SERGEF: variants seen among roughly 807,000 people sequenced by gnomAD.
SERGEF encodes secretion regulating guanine nucleotide exchange factor.
SERGEF carries 51 observed loss-of-function variants against 50.0 expected under a neutral mutation model. The observed-to-expected ratio is 1.02, with a 90% CI of 0.81 to 1.29. The LOEUF (loss-of-function observed/expected upper bound fraction) is 1.29. Among genes scored for constraint, SERGEF ranks in the 50% most tolerant of loss-of-function variants. The probability of loss-of-function intolerance (pLI) is 0.00; values close to 1 mark genes in which losing one functional copy is unlikely to be tolerated. For missense variants in SERGEF, 521 were observed against 557.0 expected (o/e 0.94, Z 0.65); for synonymous variants, 205 against 212.4 (o/e 0.97, Z 0.30).
intron 10 of SERGEF, among the ~76,000 whole-genome samples, chr11:17,870,489 A>G (rs563961128): frequency 6.6e-6 from 1 of 152,208 alleles, no homozygotes; most frequent in Non-Finnish European, 1.5e-5. Flanking sequence ...GGGCAAGAAA[A>G]TGAATTCTCT....
chr11:18,009,300 A>G (rs1438209381), intron 1 of SERGEF, among the ~76,000 whole-genome samples: 1 of 152,274 alleles, frequency 6.6e-6, no homozygotes, highest in South Asian at 2.1e-4. Flanking sequence ...GAAGAGTCCT[A>G]GGCATCCACA....
intron 9 of SERGEF, among the ~76,000 whole-genome samples, chr11:17,925,175 A>G (rs1013023170): frequency 5.9e-5 from 9 of 151,798 alleles, no homozygotes; most frequent in African/African-American, 1.9e-4. Context: ...TTTGCTCTAC[A>G]TGACTAGGCC....
chr11:17,919,808 T>C lies in SERGEF; in HGVS notation c.1011+39662A>G, dbSNP rs1245702830. ...GTCCCTCACCAACTCCATGTCATTA[T>C]TTCAGTGAGGCCTATTAAAAACTGC... On this transcript the variant is annotated intron_variant, in intron 9 of 10. Transcript: ENST00000265965. Among the ~76,000 whole-genome samples, 3 of 152,082 alleles carry C rather than the reference T, an allele frequency of 2.0e-5. No individual in the cohort carries two copies. In the East Asian group the frequency reaches 5.8e-4, roughly 29 times the overall value.
intron 10 of SERGEF, among the ~76,000 whole-genome samples, chr11:17,793,227 G>A (rs886792107): frequency 6.6e-6 from 1 of 152,196 alleles, no homozygotes; most frequent in Non-Finnish European, 1.5e-5. Flanking sequence ...GCAAAGAGGA[G>A]ATGGAGGGGC....
At chr11:17,976,663 G>T (rs1480700837) in intron 8 of SERGEF, among the ~76,000 whole-genome samples, 1 of 152,092 alleles carries the variant, frequency 6.6e-6, no homozygotes, top group East Asian at 1.9e-4. Flanking sequence ...GGCAAGCAGA[G>T]TGCCATCTGC....
intron 9 of SERGEF, among the ~76,000 whole-genome samples, chr11:17,929,614 T>C (rs537951892): frequency 2.0e-5 from 3 of 152,288 alleles, no homozygotes; most frequent in South Asian, 2.1e-4. Flanking sequence ...CAGCAAACAT[T>C]TGTGGGTTCC....
At chr11:17,822,018 C>CA (rs1380540215) in intron 10 of SERGEF, among the ~76,000 whole-genome samples, 1 of 152,168 alleles carries the variant, frequency 6.6e-6, no homozygotes, top group African/African-American at 2.4e-5. Flanking sequence ...CCATGAGCCC[C>CA]TTCTAGACCT....
intron 10 of SERGEF, among the ~76,000 whole-genome samples, chr11:17,805,324 G>A (rs553099605): frequency 5.3e-5 from 8 of 152,278 alleles, no homozygotes; most frequent in Admixed American, 1.3e-4. Flanking sequence ...GGGCCCTCCC[G>A]GATCTGATGG....
At chr11:17,981,087 G>A (rs1410013123) in intron 8 of SERGEF, among the ~76,000 whole-genome samples, 1 of 152,104 alleles carries the variant, frequency 6.6e-6, no homozygotes, top group Non-Finnish European at 1.5e-5. Context: ...CACCCACACT[G>A]ACCTCTCCTT....
chr11:17,976,102 A>G (rs768013911), intron 8 of SERGEF, among the ~76,000 whole-genome samples: 1 of 152,172 alleles, frequency 6.6e-6, no homozygotes, highest in Non-Finnish European at 1.5e-5. Context: ...TCACACAGCC[A>G]ACAAATAGCC....
intron 10 of SERGEF, among the ~76,000 whole-genome samples, chr11:17,804,736 T>C (rs1849727726): frequency 6.6e-6 from 1 of 152,184 alleles, no homozygotes; most frequent in Non-Finnish European, 1.5e-5. Context: ...CCAACAACTA[T>C]TATTATTACT....
At chr11:17,953,573 C>T (rs758741403) in intron 9 of SERGEF, among the ~76,000 whole-genome samples, 2 of 152,146 alleles carry the variant, frequency 1.3e-5, no homozygotes, top group African/African-American at 4.8e-5. Flanking sequence ...GAAGCACAGA[C>T]TATGGGGAAG....
chr11:17,965,201 T>C (rs1853093928), intron 8 of SERGEF, among the ~76,000 whole-genome samples: 1 of 152,110 alleles, frequency 6.6e-6, no homozygotes, highest in Non-Finnish European at 1.5e-5. Context: ...TGAGTTCTCA[T>C]GAGATCTGAT....
At chr11:17,942,838 C>T (rs529259048) in intron 9 of SERGEF, among the ~76,000 whole-genome samples, 2 of 152,130 alleles carry the variant, frequency 1.3e-5, no homozygotes, top group South Asian at 4.2e-4. Flanking sequence ...ATGATTTTTC[C>T]ACAACTGTTG....
In SERGEF at chr11:17,922,527, T is replaced by G. The variant is rs1182747213; in HGVS notation, c.1011+36943A>C. Among the ~76,000 whole-genome samples the G allele has an allele frequency of 4.6e-5, 7 of 152,232 alleles. No individual in the cohort carries two copies. In the East Asian group the frequency reaches 1.3e-3, roughly 29 times the overall value. ...CAGCCTATGCTGGCAAATATTTCAT[T>G]AACAACTTTTTGCTCCTTGGGTGGC... On this transcript the variant is annotated intron_variant, in intron 9 of 10. Transcript: ENST00000265965.
intron 8 of SERGEF, among the ~76,000 whole-genome samples, chr11:17,963,200 A>G (rs1853046673): frequency 6.8e-6 from 1 of 147,634 alleles, no homozygotes; most frequent in Non-Finnish European, 1.5e-5. Context: ...AAAAAAAAAA[A>G]AAAAAAGTCA....
At chr11:17,895,996 G>A (rs914950918) in intron 9 of SERGEF, among the ~76,000 whole-genome samples, 2 of 151,944 alleles carry the variant, frequency 1.3e-5, no homozygotes, top group Non-Finnish European at 2.9e-5. Flanking sequence ...TCTTCTATGG[G>A]GTACCTACAT....
chr11:17,891,342 C>A (rs1851529620), intron 9 of SERGEF, among the ~76,000 whole-genome samples: 1 of 152,108 alleles, frequency 6.6e-6, no homozygotes, highest in Non-Finnish European at 1.5e-5. Flanking sequence ...TGTGACATAG[C>A]CTCTCAAAAA....
intron 9 of SERGEF, among the ~76,000 whole-genome samples, chr11:17,920,784 G>A (rs1751844116): frequency 6.6e-6 from 1 of 152,172 alleles, no homozygotes; most frequent in South Asian, 2.1e-4. Flanking sequence ...TAGAGATCCT[G>A]AACTGCCTGC....
Sources: allele counts gnomAD v4.1 joint callset (sites outside exome capture counted in the v4.1 genomes callset), GRCh38; gene constraint gnomAD v4.1.1; transcripts MANE v1.5; gene names NCBI Gene and HGNC (gene_info 2026-07-23, HGNC 2026-07-21).